Variants in BCL11B observed in about 807,000 individuals in gnomAD.
The protein encoded by BCL11B is B-cell lymphoma/leukemia 11B.
BCL11B carries 8 observed loss-of-function variants against 49.9 expected under a neutral mutation model. The ratio of observed to expected loss-of-function variants is 0.16; its 90% CI spans 0.09 to 0.29. The LOEUF (loss-of-function observed/expected upper bound fraction) is 0.29, where lower values mean the gene tolerates loss of function less well. Ranked by LOEUF, BCL11B falls within the 10% of genes least tolerant of loss-of-function variation. BCL11B has a pLI of 1.00. For missense variants in BCL11B, 1,006 were observed against 1,351.0 expected, an observed-to-expected ratio of 0.74 and a Z score of 4.00; for synonymous variants, 739 against 637.4, an observed-to-expected ratio of 1.16 and a Z score of -2.40.
chr14:99,236,398 G>C (rs1008458203), intron 2 of BCL11B, among the ~76,000 whole-genome samples: 1 of 152,116 alleles, frequency 6.6e-6, no homozygotes, highest in African/African-American at 2.4e-5. Flanking sequence ...TCATTATCCT[G>C]ATCCTAGCTC....
Position 99,271,181 on chromosome 14 carries a change from G to A in BCL11B, c.38C>T (p.Ser13Phe). 3.9e-6 allele frequency: 6 copies of A among 1,550,354 alleles called. No individual in the cohort carries two copies. Among genetic ancestry groups the A allele is most frequent in the Non-Finnish European group, 5.2e-6 (6 of 1,154,128 alleles). The change falls in exon 1 of 4, where the codon TCC (serine) becomes TTC (phenylalanine). Residue 13 changes from serine (S) to phenylalanine (F), a missense_variant. Around this residue, in one of 6 missense-constraint regions of BCL11B, gnomAD observed 411 missense variants for 542.2 expected, o/e 0.76. Transcript: ENST00000357195. Reference protein sequence around the residue: ...RRKQGNPQHLSQRELITPEAD... With the variant: ...RRKQGNPQHLFQRELITPEAD... ...CTTACGGGTGATGAGCTCCCTCTGG[G>A]ACAAGTGCTGCGGGTTGCCCTGTTT... is the stretch of plus-strand genomic sequence containing the variant.
In BCL11B at chr14:99,195,551, G is replaced by A. The variant is rs751260545; in HGVS notation, c.641-19356C>T. 1.4e-4 allele frequency among the ~76,000 whole-genome samples: 21 copies of A among 152,186 alleles called. No homozygotes were observed. Among genetic ancestry groups the A allele is most frequent in the South Asian group, 6.2e-4 (3 of 4,820 alleles). On this transcript the variant is annotated intron_variant, in intron 3 of 3. Transcript: ENST00000357195. This position sits in a 1 kb window ranked among gnomAD's most constrained non-coding sequence, Gnocchi z 4.7. ...TTGCTGAGTGCCTCAGTGTATCTTCGTGAACCCCCACAAGGCTCGTATGCC... is the reference window on the plus strand; with the variant it reads ...TTGCTGAGTGCCTCAGTGTATCTTCATGAACCCCCACAAGGCTCGTATGCC...
intron 1 of BCL11B, among the ~76,000 whole-genome samples, chr14:99,269,832 C>T (rs184266530): frequency 4.8e-4 from 65 of 134,884 alleles, no homozygotes; most frequent in Non-Finnish European, 8.3e-4. Flanking sequence ...AACCTGCCCG[C>T]GGTCTCGATG....
rs1014676637 is a variant in BCL11B, at chr14:99,170,502, C to CA, written c.*3648dup. 1.8e-5 allele frequency: 4 copies of CA among 220,740 alleles called. No homozygotes were observed. The highest frequency in any genetic ancestry group is 7.0e-5 in the African/African-American group (3 of 42,608). The allele number at this position is 220,740 out of a possible 1,614,324, so 13.7% of individuals were successfully genotyped here. A position where few individuals can be genotyped will look rare whatever the true frequency, so the allele number is the denominator to read the frequency against. On this transcript the variant is annotated 3_prime_UTR_variant, in exon 4 of 4. Coordinates refer to ENST00000357195, the MANE Select transcript of BCL11B (RefSeq NM_138576.4). ...TTTATCTTAAAGCTACTTGGCTTTA[C>CA]AAAAAATAAAAATAAAATAGAGGAT...
At chr14:99,255,679 G>A (rs571867066) in intron 2 of BCL11B, among the ~76,000 whole-genome samples, 35 of 152,154 alleles carry the variant, frequency 2.3e-4, no homozygotes, top group Non-Finnish European at 4.7e-4. Flanking sequence ...CTGAAAGATC[G>A]ATGTGCACTG....
At chr14:99,237,152 G>A (rs1282645005) in intron 2 of BCL11B, among the ~76,000 whole-genome samples, 2 of 151,792 alleles carry the variant, frequency 1.3e-5, no homozygotes, top group East Asian at 3.9e-4. Flanking sequence ...CTCAATTTCA[G>A]AGCTACACAG....
chr14:99,251,352 G>A (rs1176222014), intron 2 of BCL11B, among the ~76,000 whole-genome samples: 1 of 152,132 alleles, frequency 6.6e-6, no homozygotes, highest in Admixed American at 6.5e-5. Context: ...CCTGTTCTAT[G>A]TATACCTTGT....
At chr14:99,189,860 G>A (rs991514896) in intron 3 of BCL11B, among the ~76,000 whole-genome samples, 12 of 152,182 alleles carry the variant, frequency 7.9e-5, no homozygotes, top group African/African-American at 2.9e-4. Flanking sequence ...GACCCTTATC[G>A]GGGACTATGG....
intron 3 of BCL11B, among the ~76,000 whole-genome samples, chr14:99,220,360 A>T (rs920121469): frequency 2.0e-5 from 3 of 152,242 alleles, no homozygotes; most frequent in African/African-American, 7.2e-5. Context: ...GGATGGGTGG[A>T]TAAGCAAAAT....
intron 2 of BCL11B, among the ~76,000 whole-genome samples, chr14:99,238,516 G>A (rs1273151871): frequency 6.6e-6 from 1 of 152,198 alleles, no homozygotes; most frequent in Non-Finnish European, 1.5e-5. Flanking sequence ...AGGCCCCTGT[G>A]AGGGAGCAGA....
At chr14:99,270,539 A>G (rs984485361) in intron 1 of BCL11B, among the ~76,000 whole-genome samples, 5 of 151,976 alleles carry the variant, frequency 3.3e-5, no homozygotes, top group African/African-American at 1.2e-4. Flanking sequence ...ATTATTTTGC[A>G]AATAGCAGGA....
intron 3 of BCL11B, among the ~76,000 whole-genome samples, chr14:99,230,091 C>T (rs1383898106): frequency 6.6e-6 from 1 of 152,184 alleles, no homozygotes; most frequent in Non-Finnish European, 1.5e-5. Context: ...GATGTCACCA[C>T]CTGTCACAGC....
intron 3 of BCL11B, among the ~76,000 whole-genome samples, chr14:99,189,773 G>A (rs893399108): frequency 6.6e-6 from 1 of 152,222 alleles, no homozygotes; most frequent in Non-Finnish European, 1.5e-5. Context: ...GCACGAGGTA[G>A]AGCGGGGGAT....
At chr14:99,185,532 C>T (rs145479367) in intron 3 of BCL11B, among the ~76,000 whole-genome samples, 4 of 151,688 alleles carry the variant, frequency 2.6e-5, no homozygotes, top group South Asian at 2.1e-4. Context: ...GGGAAAGGTC[C>T]GCAAGGTAGG....
Position 99,171,962 on chromosome 14 carries a change from AC to A in BCL11B, c.*2188del, listed in dbSNP as rs1428569697. The A allele has an allele frequency of 5.0e-6, 1 of 200,922 alleles. No individual in the cohort carries two copies. Among genetic ancestry groups the A allele is most frequent in the East Asian group, 7.7e-5 (1 of 13,008 alleles). 12.4% of individuals were successfully genotyped at this position (200,922 alleles called of 1,614,324 possible). ...AGAAATTTTAATATATATAATATAT[AC>A]TAAAACCCCGTCACCAAAAGAAAAC... On this transcript the variant is annotated 3_prime_UTR_variant, in exon 4 of 4. Transcript: ENST00000357195.
At chr14:99,190,828 C>T (rs1019769196) in intron 3 of BCL11B, among the ~76,000 whole-genome samples, 1 of 152,178 alleles carries the variant, frequency 6.6e-6, no homozygotes, top group African/African-American at 2.4e-5. Context: ...GTCTGACCTA[C>T]CTGGCCATTC....
chr14:99,182,399 G>A (rs561888715), intron 3 of BCL11B, among the ~76,000 whole-genome samples: 59 of 152,282 alleles, frequency 3.9e-4, no homozygotes, highest in African/African-American at 1.4e-3. Context: ...TCTGATAAAC[G>A]CTGGGTCAGA....
intron 1 of BCL11B, among the ~76,000 whole-genome samples, chr14:99,258,684 C>T (rs760895889): frequency 6.6e-6 from 1 of 152,204 alleles, no homozygotes; most frequent in Admixed American, 6.5e-5. Flanking sequence ...ACCCGAGGCC[C>T]GGTCAGACTT....
intron 3 of BCL11B, among the ~76,000 whole-genome samples, chr14:99,193,275 A>AC: frequency 6.6e-6 from 1 of 152,352 alleles, no homozygotes; most frequent in South Asian, 2.1e-4. Context: ...TCAACTAATC[A>AC]GAAAGGCCCC....
Sources: gnomAD v4.1 joint callset for allele counts (sites outside exome capture counted in the v4.1 genomes callset) on GRCh38, gnomAD v4.1.1 for gene constraint, gnomAD v4.1.1 regional missense constraint, Gnocchi (gnomAD v3.1) non-coding constraint, MANE v1.5 for transcripts, NCBI Gene and HGNC (gene_info 2026-07-23, HGNC 2026-07-21) for gene names.